The following CTIF variants were observed in gnomAD, a reference collection of about 807,000 sequenced individuals.
CTIF encodes the protein cap binding complex dependent translation initiation factor.
In CTIF, 21 loss-of-function variants were observed where a neutral mutation model predicts 66.0. The observed-to-expected ratio is 0.32, with a 90% CI of 0.23 to 0.46. CTIF has a LOEUF of 0.46. Ranked by LOEUF, CTIF falls within the 20% of genes least tolerant of loss-of-function variation. The pLI, the probability that CTIF is intolerant of heterozygous loss-of-function variation, is 1.00. For missense variants in CTIF, 739 were observed against 812.7 expected, an observed-to-expected ratio of 0.91 and a Z score of 1.10; for synonymous variants, 345 against 326.4, an observed-to-expected ratio of 1.06 and a Z score of -0.62.
rs9954261 is a variant in CTIF at position 48,563,228 on chromosome 18, C to A, written c.-29+23916C>A. On this transcript the variant is annotated intron_variant, in intron 1 of 11. Transcript: ENST00000256413. ...CTGCAGGGATGACACCCAGCCTCCT[C>A]CACCCTTGGGGATGTAAACTGTACT... Among the ~76,000 whole-genome samples, 3 of 63,600 alleles carry A rather than the reference C, an allele frequency of 4.7e-5. No individual in the cohort carries two copies. The East Asian group carries it at 4.0e-3, about 84-fold the overall frequency. 41.7% of individuals were successfully genotyped at this position (63,600 alleles called of 152,430 possible). A position where few individuals can be genotyped will look rare whatever the true frequency, so the allele number is the denominator to read the frequency against.
At chr18:48,690,864 A>C (rs749159007) in intron 6 of CTIF, among the ~76,000 whole-genome samples, 16 of 152,072 alleles carry the variant, frequency 1.1e-4, no homozygotes, top group Non-Finnish European at 2.1e-4. Flanking sequence ...TGTAGTGAGA[A>C]TCAAGCAAGA....
chr18:48,663,692 G>A lies in CTIF; in HGVS notation c.253-60G>A, dbSNP rs938106009. 80 of 1,512,168 alleles carry A rather than the reference G, an allele frequency of 5.3e-5. 2 individuals are homozygous for A. The highest frequency in any genetic ancestry group is 4.0e-4 in the Admixed American group (24 of 59,790). 93.7% of individuals were successfully genotyped at this position (1,512,168 alleles called of 1,614,324 possible). A position where few individuals can be genotyped will look rare whatever the true frequency, so the allele number is the denominator to read the frequency against. ...CCCCAGCCCCTCAGGCCCTGGCCCCGTGTTCTCAGCATCCTGGCCGAGCAA... is the reference window on the plus strand; with the variant it reads ...CCCCAGCCCCTCAGGCCCTGGCCCCATGTTCTCAGCATCCTGGCCGAGCAA... On this transcript the variant is annotated intron_variant, in intron 3 of 11. Transcript: ENST00000256413.
chr18:48,676,625 G>T (rs1337902393), intron 6 of CTIF, among the ~76,000 whole-genome samples: 1 of 152,034 alleles, frequency 6.6e-6, no homozygotes, highest in East Asian at 2.0e-4. Flanking sequence ...CGGTCAAGTG[G>T]GATTTCTGGC....
intron 1 of CTIF, among the ~76,000 whole-genome samples, chr18:48,573,517 CAAAG>C (rs768884127): frequency 4.6e-5 from 7 of 152,212 alleles, no homozygotes; most frequent in African/African-American, 1.7e-4. Flanking sequence ...AACATACCAA[CAAAG>C]AAATTTAACA....
intron 9 of CTIF, among the ~76,000 whole-genome samples, chr18:48,774,295 G>A (rs1910460916): frequency 6.6e-6 from 1 of 152,160 alleles, no homozygotes; most frequent in Non-Finnish European, 1.5e-5. Flanking sequence ...ATGGGCACAG[G>A]GAGTCTGCGT....
chr18:48,676,329 AG>A (rs2091629302), intron 6 of CTIF, among the ~76,000 whole-genome samples: 1 of 152,226 alleles, frequency 6.6e-6, no homozygotes, highest in Admixed American at 6.5e-5. Flanking sequence ...GCTTTCTATC[AG>A]GACGTATTTT....
At chr18:48,641,098 G>C (rs1301464259) in intron 3 of CTIF, among the ~76,000 whole-genome samples, 1 of 152,228 alleles carries the variant, frequency 6.6e-6, no homozygotes, top group Non-Finnish European at 1.5e-5. Context: ...TAGGACGTCA[G>C]ACGTTTCCAG....
At chr18:48,587,302 G>A (rs8095766) in intron 1 of CTIF, among the ~76,000 whole-genome samples, 4,056 of 151,906 alleles carry the variant, frequency 0.027, 173 homozygotes, top group African/African-American at 0.093. Context: ...GGCTGGTCTC[G>A]AACTCCTGAC....
intron 7 of CTIF, among the ~76,000 whole-genome samples, chr18:48,741,116 C>T (rs779698875): frequency 5.3e-5 from 8 of 152,178 alleles, no homozygotes; most frequent in Non-Finnish European, 7.3e-5. Context: ...GCACCATGCA[C>T]GTCATTCATT....
At chr18:48,661,441 A>C (rs890641857) in intron 3 of CTIF, among the ~76,000 whole-genome samples, 1 of 152,082 alleles carries the variant, frequency 6.6e-6, no homozygotes. Flanking sequence ...TGCTATCCCC[A>C]ATGATAATTA....
At chr18:48,814,247 G>T (rs1282102802) in intron 9 of CTIF, among the ~76,000 whole-genome samples, 2 of 152,188 alleles carry the variant, frequency 1.3e-5, no homozygotes, top group Non-Finnish European at 2.9e-5. Flanking sequence ...TAACACCCGA[G>T]TTAGCACTTG....
At chr18:48,738,729 C>T (rs2092527125) in intron 7 of CTIF, among the ~76,000 whole-genome samples, 1 of 152,222 alleles carries the variant, frequency 6.6e-6, no homozygotes, top group Admixed American at 6.5e-5. Context: ...CTTCCGTAGG[C>T]CTTCCCACGC....
At chr18:48,771,430 A>C (rs971133821) in intron 9 of CTIF, among the ~76,000 whole-genome samples, 4 of 152,162 alleles carry the variant, frequency 2.6e-5, no homozygotes, top group African/African-American at 9.7e-5. Flanking sequence ...CAGCCACAAA[A>C]GGGAATGGCC....
rs552176954 is a variant in CTIF, at chr18:48,796,088, C to G, written c.1372-21133C>G. 4.6e-5 allele frequency among the ~76,000 whole-genome samples: 7 copies of G among 152,298 alleles called. No homozygotes were observed. In the South Asian group the frequency reaches 1.2e-3, roughly 27 times the overall value. On this transcript the variant is annotated intron_variant, in intron 9 of 11. Transcript: ENST00000256413. ...TCGGCTCACTGCAACCTCCACTTCC[C>G]GGGTTAAAGTGATTCTCCTGCCTCA...
chr18:48,734,907 T>C (rs1293079886), intron 7 of CTIF, among the ~76,000 whole-genome samples: 1 of 152,216 alleles, frequency 6.6e-6, no homozygotes, highest in African/African-American at 2.4e-5. Flanking sequence ...AATTTACACT[T>C]AATATCATAT....
intron 9 of CTIF, among the ~76,000 whole-genome samples, chr18:48,802,725 TAA>T (rs2068072037): frequency 1.3e-5 from 2 of 152,246 alleles, no homozygotes; most frequent in Non-Finnish European, 2.9e-5. Flanking sequence ...CACCAGCTAC[TAA>T]GTGTGTAATC....
chr18:48,661,768 A>C (rs775271508), intron 3 of CTIF: 6 of 152,252 alleles, frequency 3.9e-5, no homozygotes, highest in Non-Finnish European at 7.3e-5. Flanking sequence ...AGTCAGAAGG[A>C]GCCCATCTAC....
intron 5 of CTIF, among the ~76,000 whole-genome samples, chr18:48,667,646 G>A (rs1009364070): frequency 1.1e-4 from 17 of 152,204 alleles, no homozygotes; most frequent in African/African-American, 1.7e-4. Flanking sequence ...CCCTTATGCC[G>A]AGGGACTTTG....
chr18:48,773,949 C>T (rs920118664), intron 9 of CTIF, among the ~76,000 whole-genome samples: 1 of 152,186 alleles, frequency 6.6e-6, no homozygotes, highest in African/African-American at 2.4e-5. Flanking sequence ...ACCCTCCGCT[C>T]TAAGAGTATT....
Sources: allele counts gnomAD v4.1 joint callset (sites outside exome capture counted in the v4.1 genomes callset), GRCh38; gene constraint gnomAD v4.1.1; transcripts MANE v1.5; gene names NCBI Gene and HGNC (gene_info 2026-07-23, HGNC 2026-07-21).